The following TASP1 variants were observed in gnomAD, a reference collection of about 807,000 sequenced individuals.
TASP1 encodes the protein taspase 1, also known as threonine aspartase 1.
TASP1 carries 16 observed loss-of-function variants against 56.6 expected under a neutral mutation model. The observed-to-expected ratio is 0.28, with a 90% CI of 0.19 to 0.43. TASP1 has a LOEUF of 0.43. TASP1 is among the 20% of genes least tolerant of loss of function. The pLI is 1.00. For synonymous variants in TASP1, 179 were observed against 184.2 expected, an observed-to-expected ratio of 0.97 and a Z score of 0.23; for missense variants, 393 against 511.6, an observed-to-expected ratio of 0.77 and a Z score of 2.24.
intron 10 of TASP1, among the ~76,000 whole-genome samples, chr20:13,489,794 T>C (rs1019022595): frequency 2.6e-5 from 4 of 152,234 alleles, no homozygotes; most frequent in African/African-American, 2.4e-5. Context: ...TTTTAAAGTA[T>C]GCAATTCAGT....
In TASP1 at chr20:13,421,104, CCTT is replaced by C. The variant is rs1347996624; in HGVS notation, c.1097-3586_1097-3584del. Among the ~76,000 whole-genome samples the C allele has an allele frequency of 1.5e-5, 2 of 137,742 alleles. 1 individual carries two copies. Among genetic ancestry groups the C allele is most frequent in the South Asian group, 4.6e-4 (2 of 4,384 alleles). The allele number at this position is 137,742 out of a possible 152,430, so 90.4% of individuals were successfully genotyped here. ...AGTTAAAAAGTATTTATAGCGTTTT[CCTT>C]CTTTTTTTTTTTTTTTTTTTTTTAA... On this transcript the variant is annotated intron_variant, in intron 12 of 13. Transcript: ENST00000337743.
the TASP1 span, among the ~76,000 whole-genome samples, chr20:13,136,394 C>T: frequency 5.9e-5 from 9 of 151,850 alleles, no homozygotes; most frequent in Non-Finnish European, 2.9e-5. Flanking sequence ...CTCAGAAATT[C>T]GAGACCAGCC....
chr20:13,432,920 G>GC (rs536879588), intron 12 of TASP1, among the ~76,000 whole-genome samples: 271 of 151,352 alleles, frequency 1.8e-3, no homozygotes, highest in African/African-American at 5.6e-3. Context: ...CAATTTTAAT[G>GC]CCCCCCCCAA....
the TASP1 span, among the ~76,000 whole-genome samples, chr20:13,360,436 CT>C: frequency 2.0e-5 from 3 of 152,104 alleles, no homozygotes; most frequent in Non-Finnish European, 4.4e-5. Context: ...TCCAACTGAT[CT>C]CTCAAACCCA....
At chr20:13,215,349 A>T in the TASP1 span, among the ~76,000 whole-genome samples, 1 of 152,232 alleles carries the variant, frequency 6.6e-6, no homozygotes, top group Non-Finnish European at 1.5e-5. Context: ...CCTGGAAATT[A>T]CATAACCTTG....
intron 10 of TASP1, among the ~76,000 whole-genome samples, chr20:13,495,900 T>C (rs2043704986): frequency 6.6e-6 from 1 of 152,184 alleles, no homozygotes; most frequent in Admixed American, 6.6e-5. Flanking sequence ...TCATATAGTC[T>C]CAGGAAATTC....
At chr20:13,268,945 A>G in the TASP1 span, among the ~76,000 whole-genome samples, 1 of 152,116 alleles carries the variant, frequency 6.6e-6, no homozygotes, top group South Asian at 2.1e-4. Context: ...AAGTAAAAAT[A>G]ATAATCCCTT....
At chr20:13,316,735 T>C in the TASP1 span, among the ~76,000 whole-genome samples, 1 of 151,486 alleles carries the variant, frequency 6.6e-6, no homozygotes, top group Non-Finnish European at 1.5e-5. Flanking sequence ...TCAACACCCA[T>C]TCATTATAAA....
chr20:13,220,503 G>A, the TASP1 span, among the ~76,000 whole-genome samples: 7 of 152,194 alleles, frequency 4.6e-5, no homozygotes, highest in African/African-American at 1.7e-4. Context: ...CCCCCGGGAT[G>A]AGCCCCCCAC....
At chr20:13,199,855 C>T in the TASP1 span, among the ~76,000 whole-genome samples, 3 of 152,204 alleles carry the variant, frequency 2.0e-5, no homozygotes, top group Non-Finnish European at 4.4e-5. Flanking sequence ...TGTAGAGTCA[C>T]TCCTTCAACC....
chr20:13,118,459 AC>A, the TASP1 span, among the ~76,000 whole-genome samples: 812 of 143,616 alleles, frequency 5.7e-3, 37 homozygotes, highest in African/African-American at 0.013. Context: ...GAAAAAAAAA[AC>A]AAAAAAAAAC....
At chr20:13,312,961 A>G in the TASP1 span, among the ~76,000 whole-genome samples, 1 of 152,140 alleles carries the variant, frequency 6.6e-6, no homozygotes, top group South Asian at 2.1e-4. Flanking sequence ...ACACCAAAGG[A>G]GCATCTGGGT....
chr20:13,264,720 C>T, the TASP1 span, among the ~76,000 whole-genome samples: 2 of 152,198 alleles, frequency 1.3e-5, no homozygotes, highest in African/African-American at 4.8e-5. Context: ...ATTGGACATT[C>T]TTGGTGTTGG....
the TASP1 span, among the ~76,000 whole-genome samples, chr20:13,186,393 G>C: frequency 2.6e-5 from 4 of 152,106 alleles, 1 homozygote; most frequent in South Asian, 2.1e-4. Flanking sequence ...ACCTAAAGAG[G>C]CTGCAGGGGA....
the TASP1 span, chr20:13,237,925 A>T: frequency 6.6e-6 from 1 of 152,290 alleles, no homozygotes; most frequent in East Asian, 1.9e-4. Context: ...TCCCAGTGCC[A>T]TTGTTACAAC....
chr20:13,571,999 C>T (rs112212797), intron 6 of TASP1, among the ~76,000 whole-genome samples: 2 of 152,130 alleles, frequency 1.3e-5, no homozygotes, highest in African/African-American at 4.8e-5. Flanking sequence ...ATCCCACTAC[C>T]CTGCACTCCT....
chr20:13,264,479 A>G, the TASP1 span, among the ~76,000 whole-genome samples: 1 of 152,164 alleles, frequency 6.6e-6, no homozygotes, highest in African/African-American at 2.4e-5. Context: ...ACTCATTTCC[A>G]TAGCTTTATC....
chr20:13,194,404 T>C, the TASP1 span, among the ~76,000 whole-genome samples: 3 of 152,142 alleles, frequency 2.0e-5, no homozygotes, highest in Non-Finnish European at 4.4e-5. Context: ...TGGTGTAGAG[T>C]ACCAAGCCAG....
intron 12 of TASP1, among the ~76,000 whole-genome samples, chr20:13,433,593 G>A (rs757703400): frequency 3.4e-5 from 5 of 149,188 alleles, no homozygotes; most frequent in Non-Finnish European, 5.9e-5. Flanking sequence ...TATATAAAGT[G>A]TAGTTTTTCT....
Sources: gnomAD v4.1 joint callset for allele counts (sites outside exome capture counted in the v4.1 genomes callset) on GRCh38, gnomAD v4.1.1 for gene constraint, MANE v1.5 for transcripts, NCBI Gene and HGNC (gene_info 2026-07-23, HGNC 2026-07-21) for gene names.